The following SEMA5A variants were observed in gnomAD, a reference collection of about 807,000 sequenced individuals.
The protein encoded by SEMA5A is semaphorin-5A.
SEMA5A carries 55 observed loss-of-function variants against 135.5 expected under a neutral mutation model. The ratio of observed to expected loss-of-function variants is 0.41; its 90% CI spans 0.33 to 0.51. SEMA5A has a LOEUF of 0.51. SEMA5A is among the 20% of genes least tolerant of loss of function. SEMA5A has a pLI of 0.37. For missense variants in SEMA5A, 1,290 were observed against 1,419.9 expected, an observed-to-expected ratio of 0.91 and a Z score of 1.47; for synonymous variants, 580 against 546.5, an observed-to-expected ratio of 1.06 and a Z score of -0.85.
chr5:9,336,461 G>A (rs1465593095), intron 4 of SEMA5A, among the ~76,000 whole-genome samples: 3 of 152,134 alleles, frequency 2.0e-5, no homozygotes, highest in South Asian at 2.1e-4. Context: ...AACACAGGCC[G>A]AACTCCAAGT....
chr5:9,198,866 A>G (rs1745555020), intron 9 of SEMA5A, among the ~76,000 whole-genome samples: 2 of 152,178 alleles, frequency 1.3e-5, no homozygotes, highest in African/African-American at 4.8e-5. Flanking sequence ...GCCTTGGGCC[A>G]GGTGCAGAGG....
intron 22 of SEMA5A, 120 bp downstream of exon 22, chr5:9,044,253 C>T: frequency 1.2e-6 from 1 of 845,780 alleles, no homozygotes; most frequent in Non-Finnish European, 1.9e-6. Flanking sequence ...TTCTTATTCT[C>T]ACATAGGGAG....
At chr5:9,211,508 G>A (rs1262909502) in intron 8 of SEMA5A, among the ~76,000 whole-genome samples, 1 of 152,116 alleles carries the variant, frequency 6.6e-6, no homozygotes, top group African/African-American at 2.4e-5. Flanking sequence ...CAGGTACTGT[G>A]CTGTGCATAC....
chr5:9,238,051 T>C (rs1433672617), intron 5 of SEMA5A, among the ~76,000 whole-genome samples, 161 bp from the exon 6 acceptor site: 1 of 152,198 alleles, frequency 6.6e-6, no homozygotes, highest in Admixed American at 6.5e-5. Context: ...ACATGAAATT[T>C]AGTCATGGGC....
At chr5:9,377,898 A>G (rs760763393) in intron 3 of SEMA5A, among the ~76,000 whole-genome samples, 20 of 152,144 alleles carry the variant, frequency 1.3e-4, no homozygotes, top group Admixed American at 7.2e-4. Context: ...GAAATAAGTA[A>G]AAGGAATAGG....
chr5:9,399,432 A>C (rs904281387), intron 2 of SEMA5A, among the ~76,000 whole-genome samples: 5 of 152,178 alleles, frequency 3.3e-5, no homozygotes, highest in African/African-American at 1.2e-4. Context: ...TAGAGACAGA[A>C]TATAGATTAG....
intron 1 of SEMA5A, among the ~76,000 whole-genome samples, chr5:9,457,408 A>C (rs77332974): frequency 0.014 from 2,094 of 152,326 alleles, 44 homozygotes; most frequent in African/African-American, 0.047. Flanking sequence ...AGGTAACAGC[A>C]ACCAGGTTGC....
At chr5:9,427,311 G>T (rs1031821288) in intron 2 of SEMA5A, among the ~76,000 whole-genome samples, 3 of 152,044 alleles carry the variant, frequency 2.0e-5, no homozygotes, top group African/African-American at 7.2e-5. Flanking sequence ...CTCTGTCTCG[G>T]GGGGGAAAAA....
intron 2 of SEMA5A, among the ~76,000 whole-genome samples, chr5:9,421,313 A>G (rs1364316397): frequency 6.6e-6 from 1 of 152,206 alleles, no homozygotes; most frequent in Non-Finnish European, 1.5e-5. Flanking sequence ...TTAATCTTTA[A>G]TCACATCTGA....
At chr5:9,214,716 G>T (rs1459104806) in intron 8 of SEMA5A, among the ~76,000 whole-genome samples, 1 of 152,174 alleles carries the variant, frequency 6.6e-6, no homozygotes, top group African/African-American at 2.4e-5. Flanking sequence ...GTCATGCTCT[G>T]CCCACACATT....
At chr5:9,440,913 T>C (rs1758209144) in intron 1 of SEMA5A, among the ~76,000 whole-genome samples, 1 of 152,162 alleles carries the variant, frequency 6.6e-6, no homozygotes, top group African/African-American at 2.4e-5. Context: ...AAGATTACAC[T>C]GGAAATAAAA....
At chr5:9,393,902 C>G (rs978861779) in intron 2 of SEMA5A, among the ~76,000 whole-genome samples, 1 of 151,962 alleles carries the variant, frequency 6.6e-6, no homozygotes, top group African/African-American at 2.4e-5. Flanking sequence ...TGAGAGAATG[C>G]AAATATTCAT....
chr5:9,117,467 A>T (rs1055470298), intron 15 of SEMA5A, among the ~76,000 whole-genome samples: 38 of 152,234 alleles, frequency 2.5e-4, no homozygotes, highest in Admixed American at 1.0e-3. Context: ...ATATAATGAG[A>T]TATCTTGGGG....
At chr5:9,262,908 AT>A (rs1190906712) in intron 5 of SEMA5A, among the ~76,000 whole-genome samples, 1 of 136,120 alleles carries the variant, frequency 7.3e-6, no homozygotes, top group Non-Finnish European at 1.6e-5. Context: ...AAAAAAAAAA[AT>A]TAAAAAAAAA....
At chr5:9,224,603 G>T in intron 8 of SEMA5A, 71 bp downstream of exon 8, 2 of 1,349,634 alleles carry the variant, frequency 1.5e-6, no homozygotes, top group Non-Finnish European at 2.1e-6. Context: ...GTTGTAGTTT[G>T]CTTTTGAGCA....
At chr5:9,091,216 A>G (rs1466824373) in intron 16 of SEMA5A, among the ~76,000 whole-genome samples, 1 of 152,208 alleles carries the variant, frequency 6.6e-6, no homozygotes, top group East Asian at 1.9e-4. Flanking sequence ...AAAAACTTAC[A>G]ATGTCCATTG....
At chr5:9,242,040 C>T (rs1314331646) in intron 5 of SEMA5A, among the ~76,000 whole-genome samples, 1 of 152,148 alleles carries the variant, frequency 6.6e-6, no homozygotes, top group Non-Finnish European at 1.5e-5. Flanking sequence ...TGAGGGCTTT[C>T]TTTTTTCATA....
intron 2 of SEMA5A, among the ~76,000 whole-genome samples, chr5:9,436,888 A>G (rs1046657639): frequency 6.6e-6 from 1 of 152,152 alleles, no homozygotes; most frequent in Non-Finnish European, 1.5e-5. Context: ...TGAAGCCAGC[A>G]TTTCTGAGCC....
chr5:9,308,464 G>A (rs1751975561), intron 5 of SEMA5A, among the ~76,000 whole-genome samples: 1 of 152,072 alleles, frequency 6.6e-6, no homozygotes, highest in African/African-American at 2.4e-5. Flanking sequence ...CAGCTGACAG[G>A]AAATTTTTGC....
Sources: allele counts gnomAD v4.1 joint callset (sites outside exome capture counted in the v4.1 genomes callset), GRCh38; gene constraint gnomAD v4.1.1; transcripts MANE v1.5; gene names NCBI Gene and HGNC (gene_info 2026-07-23, HGNC 2026-07-21).